ZNF385D: variants seen among roughly 807,000 people sequenced by gnomAD.
ZNF385D encodes zinc finger protein 659.
Under a neutral mutation model 35.8 loss-of-function variants are expected in ZNF385D, and 15 were observed. The observed-to-expected ratio is 0.42, with a 90% CI of 0.28 to 0.64. The LOEUF (loss-of-function observed/expected upper bound fraction) is 0.64, where lower values mean the gene tolerates loss of function less well. Among genes scored for constraint, ZNF385D ranks in the 30% least tolerant of loss-of-function variants. The pLI is 0.23. For missense variants in ZNF385D, 474 were observed against 494.6 expected (o/e 0.96, Z 0.39); for synonymous variants, 212 against 186.8 (o/e 1.13, Z -1.10).
At chr3:21,666,054 A>G (rs1345290866) in intron 1 of ZNF385D, among the ~76,000 whole-genome samples, 1 of 152,200 alleles carries the variant, frequency 6.6e-6, no homozygotes, top group Non-Finnish European at 1.5e-5. Context: ...GAATTCTAGG[A>G]GACATGCTTG....
chr3:22,146,016 A>G (rs575232832), intron 3 of ZNF385D, among the ~76,000 whole-genome samples: 1 of 152,194 alleles, frequency 6.6e-6, no homozygotes, highest in Non-Finnish European at 1.5e-5. Flanking sequence ...AAGATGAGTG[A>G]AACAGTATCT....
chr3:22,276,036 G>C (rs931141996), intron 2 of ZNF385D, among the ~76,000 whole-genome samples: 2 of 152,146 alleles, frequency 1.3e-5, no homozygotes, highest in Non-Finnish European at 2.9e-5. Context: ...AGTGAGCCAA[G>C]ATCCTGCCAC....
At chr3:22,241,303 A>G (rs1459595768) in intron 2 of ZNF385D, among the ~76,000 whole-genome samples, 2 of 151,070 alleles carry the variant, frequency 1.3e-5, no homozygotes, top group Non-Finnish European at 2.9e-5. Flanking sequence ...AAACCAACCT[A>G]CAGAGGACAG....
intron 2 of ZNF385D, among the ~76,000 whole-genome samples, chr3:21,598,687 A>G (rs895600230): frequency 6.6e-6 from 1 of 152,232 alleles, no homozygotes; most frequent in Non-Finnish European, 1.5e-5. Flanking sequence ...TTTACTTTAA[A>G]CCACAAATTA....
At chr3:21,564,465 G>T in intron 3 of ZNF385D, 109 bp downstream of exon 3, 1 of 565,770 alleles carries the variant, frequency 1.8e-6, no homozygotes, top group South Asian at 3.8e-5. Context: ...TTTGAATTTT[G>T]ACATGCTCAG....
At chr3:21,882,766 T>C (rs1272878456) in intron 3 of ZNF385D, among the ~76,000 whole-genome samples, 1 of 152,058 alleles carries the variant, frequency 6.6e-6, no homozygotes, top group African/African-American at 2.4e-5. Flanking sequence ...CATTAGACCA[T>C]GTACATGAGC....
chr3:21,852,435 A>G (rs544825052), intron 3 of ZNF385D, among the ~76,000 whole-genome samples: 27 of 152,076 alleles, frequency 1.8e-4, no homozygotes, highest in Non-Finnish European at 3.8e-4. Flanking sequence ...GCATTCATTT[A>G]AAAACTGTCA....
rs141108015 is a variant in ZNF385D, at chr3:22,341,945, G to C, written c.106+30505C>G. On this transcript the variant is annotated intron_variant, in intron 2 of 5. Transcript: ENST00000494108. Reference sequence around the variant, plus strand: ...TCTCTGGCTTTCAGAAAAGTGCCAAGTACATAGTTAACACTGAAAACTGTT... The same window carrying C: ...TCTCTGGCTTTCAGAAAAGTGCCAACTACATAGTTAACACTGAAAACTGTT... Among the ~76,000 whole-genome samples the C allele has an allele frequency of 3.7e-4, 56 of 152,266 alleles. 1 individual carries two copies. Among genetic ancestry groups the C allele is most frequent in the African/African-American group, 1.3e-3 (54 of 41,544 alleles).
intron 3 of ZNF385D, among the ~76,000 whole-genome samples, chr3:21,779,124 T>C (rs2071399389): frequency 6.6e-6 from 1 of 151,802 alleles, no homozygotes; most frequent in South Asian, 2.1e-4. Flanking sequence ...ACGTGGAAAA[T>C]GCCTAGGGAT....
intron 3 of ZNF385D, among the ~76,000 whole-genome samples, chr3:21,804,842 G>A (rs2072564994): frequency 7.5e-6 from 1 of 133,046 alleles, no homozygotes; most frequent in Admixed American, 7.8e-5. Flanking sequence ...TGTTTCTACT[G>A]TTTTCCCTTA....
At chr3:21,735,613 A>T (rs2069205697) in intron 1 of ZNF385D, among the ~76,000 whole-genome samples, 1 of 152,034 alleles carries the variant, frequency 6.6e-6, no homozygotes, top group South Asian at 2.1e-4. Flanking sequence ...GGGGATGTAA[A>T]TTAGGACGCT....
At chr3:21,640,247 C>G (rs2065563732) in intron 2 of ZNF385D, among the ~76,000 whole-genome samples, 1 of 152,102 alleles carries the variant, frequency 6.6e-6, no homozygotes, top group Non-Finnish European at 1.5e-5. Flanking sequence ...GGGCCTTGTT[C>G]TTTGGTTCCC....
At chr3:22,094,867 T>G (rs557743370) in intron 3 of ZNF385D, among the ~76,000 whole-genome samples, 11 of 152,216 alleles carry the variant, frequency 7.2e-5, no homozygotes, top group African/African-American at 2.4e-4. Context: ...GCCTCATGGT[T>G]GCCAGATATT....
In ZNF385D at chr3:21,945,440, T is replaced by C. The variant is rs112340588; in HGVS notation, c.325+223377A>G. ...GAGCAAACATTTTAAGCCTGGTTTT[T>C]CTACTCACTAGCTGTGAAAACTTCA... On this transcript the variant is annotated intron_variant, in intron 3 of 5. Coordinates refer to the ZNF385D transcript ENST00000494108. 9.0e-3 allele frequency among the ~76,000 whole-genome samples: 1,373 copies of C among 152,296 alleles called. 23 individuals are homozygous for C. The highest frequency in any genetic ancestry group is 0.031 in the African/African-American group (1,268 of 41,564).
chr3:21,852,460 G>A (rs888775425), intron 3 of ZNF385D, among the ~76,000 whole-genome samples: 2 of 151,832 alleles, frequency 1.3e-5, no homozygotes, highest in Middle Eastern at 3.2e-3. Context: ...TAGACCTGTG[G>A]CTTTATTGAT....
chr3:21,850,131 ATCTC>A (rs756936598), intron 3 of ZNF385D, among the ~76,000 whole-genome samples: 2 of 147,686 alleles, frequency 1.4e-5, no homozygotes, highest in Admixed American at 6.9e-5. Flanking sequence ...AAGCTGTTAT[ATCTC>A]TCTTTCAAAG....
chr3:21,501,650 A>G (rs1384870404), intron 4 of ZNF385D, among the ~76,000 whole-genome samples: 1 of 152,192 alleles, frequency 6.6e-6, no homozygotes, highest in Admixed American at 6.5e-5. Context: ...GTCATATTTT[A>G]TCATTGTTCA....
intron 3 of ZNF385D, among the ~76,000 whole-genome samples, chr3:21,780,078 C>T (rs888250061): frequency 6.6e-6 from 1 of 151,760 alleles, no homozygotes; most frequent in Non-Finnish European, 1.5e-5. Flanking sequence ...GTGAATAGTC[C>T]ACACCCACAC....
At chr3:21,924,882 G>GGCAGTAAGAA (rs2125231606) in intron 3 of ZNF385D, among the ~76,000 whole-genome samples, 1 of 152,212 alleles carries the variant, frequency 6.6e-6, no homozygotes, top group East Asian at 1.9e-4. Flanking sequence ...TACCCTACCT[G>GGCAGTAAGAA]GCAGTAAGAA....
Sources: gnomAD v4.1 joint callset for allele counts (sites outside exome capture counted in the v4.1 genomes callset) on GRCh38, gnomAD v4.1.1 for gene constraint, MANE v1.5 for transcripts, NCBI Gene and HGNC (gene_info 2026-07-23, HGNC 2026-07-21) for gene names.